The following PITPNM2 variants were observed in gnomAD, a reference collection of about 807,000 sequenced individuals.
The protein encoded by PITPNM2 is phosphatidylinositol transfer protein membrane associated 2.
Under a neutral mutation model 132.2 loss-of-function variants are expected in PITPNM2, and 35 were observed. The ratio of observed to expected loss-of-function variants is 0.26; its 90% confidence interval spans 0.20 to 0.35. PITPNM2 has a LOEUF of 0.35. Ranked by LOEUF, PITPNM2 falls within the 10% of genes least tolerant of loss-of-function variation. The pLI is 1.00. For missense variants in PITPNM2, 1,332 were observed against 1,912.0 expected (o/e 0.70, Z 5.66); for synonymous variants, 738 against 799.2 (o/e 0.92, Z 1.29).
In PITPNM2 at chr12:122,996,356, G is replaced by A. The variant is rs1347417710; in HGVS notation, c.1782+102C>T. The A allele has an allele frequency of 2.0e-6, 3 of 1,488,320 alleles. No homozygotes were observed. The African/African-American group carries it at 4.2e-5, about 21-fold the overall frequency. The allele number at this position is 1,488,320 out of a possible 1,614,324, so 92.2% of individuals were successfully genotyped here. On this transcript the variant is annotated intron_variant, in intron 13 of 25. Coordinates refer to ENST00000320201, the MANE Select transcript of PITPNM2 (RefSeq NM_020845.3). ...AGTGCTGCCAGCATTCTGCTTGGTG[G>A]ACACAGCCTGGGGCCAGGTGCAGGA...
At chr12:123,019,906 G>A (rs1293652643) in intron 3 of PITPNM2, among the ~76,000 whole-genome samples, 2 of 152,080 alleles carry the variant, frequency 1.3e-5, no homozygotes, top group African/African-American at 2.4e-5. Context: ...TGGGAGGTGG[G>A]GAGGCACTCA....
chr12:123,141,027 A>C (rs2043495004), intron 1 of PITPNM2, among the ~76,000 whole-genome samples: 1 of 152,148 alleles, frequency 6.6e-6, no homozygotes, highest in African/African-American at 2.4e-5. Flanking sequence ...ACTCAACTAG[A>C]TCAGGAAATA....
chr12:123,000,557 C>T lies in PITPNM2; in HGVS notation c.1224+221G>A, dbSNP rs1239815409. 5.9e-6 allele frequency: 4 copies of T among 676,974 alleles called. No homozygotes were observed. Among genetic ancestry groups the T allele is most frequent in the Non-Finnish European group, 1.1e-5 (4 of 373,154 alleles). 41.9% of individuals were successfully genotyped at this position (676,974 alleles called of 1,614,324 possible). A position where few individuals can be genotyped will look rare whatever the true frequency, so the allele number is the denominator to read the frequency against. Reference sequence around the variant, plus strand: ...GCTTTCTCAGGGGTTGTCTGTAGTCCCTGGTTCTCGGGGACCTCAGAGACA... The same window carrying T: ...GCTTTCTCAGGGGTTGTCTGTAGTCTCTGGTTCTCGGGGACCTCAGAGACA... On this transcript the variant is annotated intron_variant, in intron 10 of 25. Coordinates refer to ENST00000320201, the MANE Select transcript of PITPNM2 (RefSeq NM_020845.3). This position sits in a 1 kb window ranked among gnomAD's most constrained non-coding sequence, Gnocchi z 5.4.
chr12:123,025,899 C>A (rs1022540765), intron 3 of PITPNM2, among the ~76,000 whole-genome samples: 1 of 152,124 alleles, frequency 6.6e-6, no homozygotes, highest in Non-Finnish European at 1.5e-5. Flanking sequence ...GCACTATTAC[C>A]CCCAAGTCAC....
In PITPNM2 at chr12:123,023,751, G is replaced by C. The variant is rs1041936597; in HGVS notation, c.79-9709C>G. Among the ~76,000 whole-genome samples the C allele has an allele frequency of 1.3e-5, 2 of 152,024 alleles. No homozygotes were observed. Among genetic ancestry groups the C allele is most frequent in the African/African-American group, 4.8e-5 (2 of 41,372 alleles). On this transcript the variant is annotated intron_variant, in intron 3 of 25. Coordinates refer to ENST00000320201, the MANE Select transcript of PITPNM2 (RefSeq NM_020845.3). The surrounding 1 kb of genome is among the most constrained non-coding windows in gnomAD (Gnocchi z 4.8). The stretch of plus-strand genomic sequence containing the variant: ...TCGTTTTGGAGCCATGACACCAAAA[G>C]CACAAGCAACAAAAGAAAAGACAGA...
intron 2 of PITPNM2, among the ~76,000 whole-genome samples, chr12:123,047,249 A>G (rs1169401441): frequency 6.6e-6 from 1 of 152,222 alleles, no homozygotes; most frequent in Non-Finnish European, 1.5e-5. Context: ...TAGAGAAACA[A>G]TTTCTGTTTT....
intron 1 of PITPNM2, among the ~76,000 whole-genome samples, chr12:123,129,313 A>C (rs1232914179): frequency 1.3e-5 from 2 of 152,024 alleles, no homozygotes; most frequent in Non-Finnish European, 2.9e-5. Context: ...TCACGCCTGT[A>C]ATCCCAGCAC....
rs1281226210 is a variant in PITPNM2, at chr12:123,077,476, T to C, written c.-96+32909A>G. Among the ~76,000 whole-genome samples, 3 of 152,092 alleles carry C rather than the reference T, an allele frequency of 2.0e-5. No homozygotes were observed. The highest frequency in any genetic ancestry group is 7.2e-5 in the African/African-American group (3 of 41,384). ...TCCCCTTTCCTTGGTCCAACCACAG[T>C]CCAGGAAAGCAGATTTTCTATGCCC... On this transcript the variant is annotated intron_variant, in intron 2 of 25. Coordinates refer to ENST00000320201, the MANE Select transcript of PITPNM2 (RefSeq NM_020845.3). The surrounding 1 kb of genome is among the most constrained non-coding windows in gnomAD (Gnocchi z 4.8).
Position 123,008,920 on chromosome 12 carries a change from GAC to G in PITPNM2, c.643+928_643+929del, listed in dbSNP as rs1224558577. Among the ~76,000 whole-genome samples, 1 of 152,208 alleles carries G rather than the reference GAC, an allele frequency of 6.6e-6. No homozygotes were observed. The highest frequency in any genetic ancestry group is 2.4e-5 in the African/African-American group (1 of 41,450). ...AACACTGAACATGGCTGTCTAGTGA[GAC>G]ACCTCCCTTACTGATGCTAAGAACA... On this transcript the variant is annotated intron_variant, in intron 6 of 25. Transcript: ENST00000320201. This position sits in a 1 kb window ranked among gnomAD's most constrained non-coding sequence, Gnocchi z 4.1.
intron 1 of PITPNM2, among the ~76,000 whole-genome samples, chr12:123,127,641 G>A (rs1223816950): frequency 2.2e-5 from 3 of 139,420 alleles, no homozygotes; most frequent in Non-Finnish European, 4.5e-5. Flanking sequence ...ACGGAGTCTC[G>A]CTCTGTCGCC....
intron 1 of PITPNM2, among the ~76,000 whole-genome samples, chr12:123,141,198 G>A (rs551384229): frequency 1.2e-3 from 190 of 152,246 alleles, no homozygotes; most frequent in African/African-American, 4.1e-3. Flanking sequence ...CCCCATCTGT[G>A]AGACACAAAA....
At position 123,000,793 on chromosome 12, in the gene PITPNM2, C is replaced by G. The variant is rs1594134144; in HGVS notation, c.1209G>C (p.Gln403His). ...PEFRVASSVE[Q>H]LNIIEDEVSQ... ...GGGCACCCACCTCTATGATGTTCAGCTGCTCCACACTGGAGGCCACCCTGA... is the reference window on the plus strand; with the variant it reads ...GGGCACCCACCTCTATGATGTTCAGGTGCTCCACACTGGAGGCCACCCTGA... Residue 403 changes from glutamine (Q) to histidine (H), a missense_variant, in exon 10 of 26, where the codon CAG becomes CAC. Transcript: ENST00000320201. The surrounding 1 kb of genome is among the most constrained non-coding windows in gnomAD (Gnocchi z 5.4). 6.2e-7 allele frequency: 1 copy of G among 1,614,074 alleles called. No homozygotes were observed. Among genetic ancestry groups the G allele is most frequent in the South Asian group, 1.1e-5 (1 of 91,082 alleles).
At chr12:123,101,616 T>A (rs542712142) in intron 2 of PITPNM2, among the ~76,000 whole-genome samples, 1 of 152,300 alleles carries the variant, frequency 6.6e-6, no homozygotes, top group Admixed American at 6.5e-5. Context: ...ACACAGACGG[T>A]ACTTAGTAAA....
rs1202654049 is a variant in PITPNM2, at chr12:123,127,610, CT to C, written c.-199-17123del. Among the ~76,000 whole-genome samples, 294 of 139,418 alleles carry C rather than the reference CT, an allele frequency of 2.1e-3. 3 individuals carry two copies. Among genetic ancestry groups the C allele is most frequent in the South Asian group, 0.012 (54 of 4,410 alleles). 91.5% of individuals were successfully genotyped at this position (139,418 alleles called of 152,430 possible). On this transcript the variant is annotated intron_variant, in intron 1 of 25. Coordinates refer to ENST00000320201, the MANE Select transcript of PITPNM2 (RefSeq NM_020845.3). ...AGTTATGCCCTGCCTCTTTTTCTTT[CT>C]TTTTTTTTTTTTTTTTGAGACGGAG... is the stretch of plus-strand genomic sequence containing the variant.
intron 2 of PITPNM2, among the ~76,000 whole-genome samples, chr12:123,068,153 G>A (rs2041489756): frequency 1.3e-5 from 2 of 150,224 alleles, no homozygotes; most frequent in South Asian, 4.2e-4. Flanking sequence ...GTCAGGTCAG[G>A]CCAGCTCAGC....
intron 2 of PITPNM2, among the ~76,000 whole-genome samples, chr12:123,062,813 G>C (rs1336115400): frequency 6.6e-6 from 1 of 152,170 alleles, no homozygotes; most frequent in Non-Finnish European, 1.5e-5. Flanking sequence ...ATAAGGAATT[G>C]TGGATCTGCA....
chr12:123,106,770 C>G lies in PITPNM2; in HGVS notation c.-96+3615G>C, dbSNP rs1375699410. Among the ~76,000 whole-genome samples, 1 of 152,198 alleles carries G rather than the reference C, an allele frequency of 6.6e-6. No individual in the cohort carries two copies. The highest frequency in any genetic ancestry group is 6.5e-5 in the Admixed American group (1 of 15,278). ...TGGACTTCAGGGCAGCATCTTTGCT[C>G]CAGGGCATGAGGGCACTCAGCCCTC... is the stretch of plus-strand genomic sequence containing the variant. On this transcript the variant is annotated intron_variant, in intron 2 of 25. Coordinates refer to ENST00000320201, the MANE Select transcript of PITPNM2 (RefSeq NM_020845.3). The surrounding 1 kb of genome is among the most constrained non-coding windows in gnomAD (Gnocchi z 4.4).
intron 25 of PITPNM2, 22 bp downstream of exon 25, chr12:122,986,413 GC>G: frequency 6.4e-7 from 1 of 1,566,342 alleles, no homozygotes; most frequent in Non-Finnish European, 8.6e-7. Flanking sequence ...GCCTGCACCC[GC>G]CCCCACAATG....
Position 122,986,530 on chromosome 12 carries a change from G to A in PITPNM2, c.3632C>T (p.Thr1211Ile), listed in dbSNP as rs1393319932. Residue 1211 changes from threonine (T) to isoleucine (I), a missense_variant, in exon 25 of 26, where the codon ACC becomes ATC. By Grantham distance (89) the Thr-to-Ile change is moderately conservative. This residue lies in a region of PITPNM2 where 251 missense variants were observed against 472.0 expected (regional missense o/e 0.53). Coordinates refer to ENST00000320201, the MANE Select transcript of PITPNM2 (RefSeq NM_020845.3). Reference protein sequence around the residue: ...HLRVHAAYGSTKDVAVYSAIS... With the variant: ...HLRVHAAYGSIKDVAVYSAIS... ...GGCGCTGTACACCGCCACGTCCTTG[G>A]TGGAGCCATAGGCCGCGTGCACGCG... 6.2e-7 allele frequency: 1 copy of A among 1,600,098 alleles called. No individual in the cohort carries two copies. The highest frequency in any genetic ancestry group is 8.5e-7 in the Non-Finnish European group (1 of 1,172,120).
Sources: allele counts gnomAD v4.1 joint callset (sites outside exome capture counted in the v4.1 genomes callset), GRCh38; gene constraint gnomAD v4.1.1; regional missense constraint gnomAD v4.1.1; non-coding constraint Gnocchi (gnomAD v3.1); transcripts MANE v1.5; gene names NCBI Gene and HGNC (gene_info 2026-07-23, HGNC 2026-07-21).